ALDH16A1: variants seen among roughly 807,000 people sequenced by gnomAD.
ALDH16A1 encodes aldehyde dehydrogenase family 16 member A1.
Under a neutral mutation model 96.1 loss-of-function variants are expected in ALDH16A1, and 88 were observed. The observed-to-expected ratio is 0.92, with a 90% confidence interval of 0.77 to 1.09. The LOEUF is 1.09. ALDH16A1 is among the 50% of genes least tolerant of loss of function. ALDH16A1 has a pLI of 0.00. For synonymous variants in ALDH16A1, 522 were observed against 496.4 expected, an observed-to-expected ratio of 1.05 and a Z score of -0.69; for missense variants, 1,250 against 1,112.6, an observed-to-expected ratio of 1.12 and a Z score of -1.76.
chr19:49,465,588 T>G (rs1601037892), intron 12 of ALDH16A1, 150 bp from the exon 13 acceptor site: 7 of 912,032 alleles, frequency 7.7e-6, no homozygotes, highest in South Asian at 3.9e-5. Flanking sequence ...GGAGCAGGAG[T>G]TTTAGGGTCC....
chr19:49,466,384 C>A, intron 14 of ALDH16A1, 101 bp downstream of exon 14: 1 of 1,233,408 alleles, frequency 8.1e-7, no homozygotes, highest in Non-Finnish European at 1.1e-6. Flanking sequence ...CCCAGCCCCA[C>A]CGCCTTCCAC....
chr19:49,454,218 T>A (rs1482792615), intron 1 of ALDH16A1, among the ~76,000 whole-genome samples: 1 of 152,008 alleles, frequency 6.6e-6, no homozygotes, highest in African/African-American at 2.4e-5. Flanking sequence ...AGACAAGGTT[T>A]CAGCATGTTG....
Position 49,462,631 on chromosome 19 carries a change from A to T in ALDH16A1, c.974A>T (p.Glu325Val). 6.2e-7 allele frequency: 1 copy of T among 1,612,784 alleles called. No homozygotes were observed. Among genetic ancestry groups the T allele is most frequent in the African/African-American group, 1.3e-5 (1 of 74,956 alleles). Residue 325 changes from glutamate (E) to valine (V), a missense_variant, in exon 8 of 17, where the codon GAG becomes GTG. By Grantham distance (121) the Glu-to-Val change is moderately radical. Transcript: ENST00000293350. The part of the protein sequence containing the change: ...VWDEAMRRLQ[E>V]RMGRLRSGRG... ...GATGAAGCCATGAGACGGCTGCAGG[A>T]GCGGATGGGGCGGCTTCGGAGTGGC...
chr19:49,468,350 T>A lies in ALDH16A1; in HGVS notation c.1939-31T>A. On this transcript the variant is annotated intron_variant, in intron 14 of 16. Coordinates refer to ENST00000293350, the MANE Select transcript of ALDH16A1 (RefSeq NM_153329.4). This position sits in a 1 kb window ranked among gnomAD's most constrained non-coding sequence, Gnocchi z 4.4. ...TCATTTACTGCGGGCGGGGCTCCCC[T>A]GCCCCACACGTGACCCACCTGTCCC... 6.3e-7 allele frequency: 1 copy of A among 1,590,252 alleles called. No individual in the cohort carries two copies. Among genetic ancestry groups the A allele is most frequent in the South Asian group, 1.1e-5 (1 of 90,460 alleles).
intron 14 of ALDH16A1, among the ~76,000 whole-genome samples, chr19:49,466,546 T>C (rs1601040558): frequency 1.3e-5 from 2 of 152,272 alleles, no homozygotes. Context: ...TAGTGGGCTG[T>C]TAGGCGGTTC....
In ALDH16A1 at chr19:49,459,886, G is replaced by T; in HGVS notation, c.499+38G>T. 6.3e-7 allele frequency: 1 copy of T among 1,585,628 alleles called. No homozygotes were observed. Among genetic ancestry groups the T allele is most frequent in the Middle Eastern group, 1.7e-4 (1 of 5,980 alleles). On this transcript the variant is annotated intron_variant, in intron 4 of 16. Transcript: ENST00000293350. This position sits in a 1 kb window ranked among gnomAD's most constrained non-coding sequence, Gnocchi z 4.1. ...AGTCCCTAGCCCTATCCTCCCACAT[G>T]ACTCAGCAGTGCTAGCTCCAGTCCC...
rs746586105 is a variant in ALDH16A1 at position 49,462,692 on chromosome 19, G to A, written c.1035G>A (p.Arg345=). ...GLDGAVDMGA[R]GAAACDLVQR... The stretch of plus-strand genomic sequence containing the variant: ...ATGGGGCCGTGGACATGGGGGCCCG[G>A]GGGGCTGCCGCATGTGACCTGGTCC... The change falls in exon 8 of 17, where the codon CGG becomes CGA. Residue 345 remains arginine (R), a synonymous_variant. Coordinates refer to ENST00000293350, the MANE Select transcript of ALDH16A1 (RefSeq NM_153329.4). The A allele has an allele frequency of 5.6e-6, 9 of 1,608,328 alleles. No individual in the cohort carries two copies. The African/African-American group carries it at 1.2e-4, about 22-fold the overall frequency.
In ALDH16A1 at chr19:49,460,665, C is replaced by T. The variant is rs561776833; in HGVS notation, c.500-157C>T. 1.2e-3 allele frequency among the ~76,000 whole-genome samples: 179 copies of T among 151,606 alleles called. 1 individual carries two copies. The highest frequency in any genetic ancestry group is 4.0e-3 in the African/African-American group (166 of 41,344). ...CCCACCTCAGGTGATCCGCCCACCT[C>T]GACCTCCCAAAGTGCTGAGATTACA... On this transcript the variant is annotated intron_variant, in intron 4 of 16. Coordinates refer to ENST00000293350, the MANE Select transcript of ALDH16A1 (RefSeq NM_153329.4).
At chr19:49,465,710 C>A in intron 12 of ALDH16A1, 28 bp from the exon 13 acceptor site, 1 of 1,598,228 alleles carries the variant, frequency 6.3e-7, no homozygotes, top group South Asian at 1.1e-5. Context: ...GGCCCCAGGA[C>A]TCCTCCTCAT....
At position 49,462,750 on chromosome 19, in the gene ALDH16A1, GCA is replaced by G. The variant is rs1299212486; in HGVS notation, c.1096_1097del (p.Gln366GlyfsTer6). The G allele has an allele frequency of 1.9e-6, 3 of 1,582,550 alleles. No individual in the cohort carries two copies. Among genetic ancestry groups the G allele is most frequent in the Non-Finnish European group, 2.6e-6 (3 of 1,166,094 alleles). On this transcript the variant is annotated frameshift_variant, in exon 8 of 17. Coordinates refer to ENST00000293350, the MANE Select transcript of ALDH16A1 (RefSeq NM_153329.4). LOFTEE classifies it high-confidence loss of function. ...TGTGCGTGAGGCCCAGAGCCAGGGTGCACAGGTGAGGCAGGGGGTAGAGACTT... is the reference window on the plus strand; with the variant it reads ...TGTGCGTGAGGCCCAGAGCCAGGGTGCAGGTGAGGCAGGGGGTAGAGACTT... ...RFVREAQSQG[A>X]QVFQAGDVPS... is the part of the protein sequence containing the mutation.
chr19:49,465,528 C>T (rs1053663523), intron 12 of ALDH16A1, among the ~76,000 whole-genome samples: 6 of 150,640 alleles, frequency 4.0e-5, no homozygotes, highest in Non-Finnish European at 7.4e-5. Context: ...AGTTTAAGGT[C>T]CCCCAGAGGC....
At chr19:49,462,450 A>T in intron 7 of ALDH16A1, 120 bp from the exon 8 acceptor site, 1 of 1,257,838 alleles carries the variant, frequency 8.0e-7, no homozygotes, top group Non-Finnish European at 1.1e-6. Flanking sequence ...GTTCTTTAGG[A>T]CTCTGTTGAT....
chr19:49,464,812 A>G (rs761212843), intron 12 of ALDH16A1, 50 bp downstream of exon 12: 2 of 1,609,114 alleles, frequency 1.2e-6, no homozygotes, highest in South Asian at 2.2e-5. Context: ...GGAGAGGGGA[A>G]TTGATGCCTG....
rs773700840 is a variant in ALDH16A1 at position 49,453,646 on chromosome 19, C to A, written c.90+225C>A. Reference sequence around the variant, plus strand: ...CGGTCTTCCCCACTGGTTCTCTTGCCCCTTGATCCTGAACTCCTCGTAGTG... The same window carrying A: ...CGGTCTTCCCCACTGGTTCTCTTGCACCTTGATCCTGAACTCCTCGTAGTG... On this transcript the variant is annotated intron_variant, in intron 1 of 16. Transcript: ENST00000293350. The A allele has an allele frequency of 9.9e-6, 5 of 505,284 alleles. No homozygotes were observed. In the South Asian group the frequency reaches 1.2e-4, roughly 12 times the overall value. 31.3% of individuals were successfully genotyped at this position (505,284 alleles called of 1,614,324 possible). A position where few individuals can be genotyped will look rare whatever the true frequency, so the allele number is the denominator to read the frequency against.
Position 49,466,154 on chromosome 19 carries a change from G to C in ALDH16A1, c.1809G>C (p.Lys603Asn). Residue 603 changes from lysine (K) to asparagine (N), a missense_variant, in exon 14 of 17, where the codon AAG (lysine) becomes AAC (asparagine). Lys to Asn is a moderately conservative substitution (Grantham distance 94). Transcript: ENST00000293350. ...TGGCGGCTGCACTGGAGCGCCGGAA[G>C]TCTACCCTGGCCTCGAGGCTGGAGA... Reference protein sequence around the residue: ...WALAAALERRKSTLASRLERQ... With the variant: ...WALAAALERRNSTLASRLERQ... 6.4e-7 allele frequency: 1 copy of C among 1,559,920 alleles called. No individual in the cohort carries two copies. The highest frequency in any genetic ancestry group is 8.7e-7 in the Non-Finnish European group (1 of 1,154,316).
At position 49,464,109 on chromosome 19, in the gene ALDH16A1, C is replaced by T. The variant is rs1288753579; in HGVS notation, c.1195-18C>T. The T allele has an allele frequency of 1.2e-6, 2 of 1,602,540 alleles. No individual in the cohort carries two copies. The highest frequency in any genetic ancestry group is 2.7e-5 in the African/African-American group (2 of 74,852). Reference sequence around the variant, plus strand: ...GGGTGGGCCCTGGAGGGCTGAGCCTCCCGGTCACCCCTTGCAGGTGCCGTG... The same window carrying T: ...GGGTGGGCCCTGGAGGGCTGAGCCTTCCGGTCACCCCTTGCAGGTGCCGTG... On this transcript the variant is annotated intron_variant, in intron 9 of 16. Transcript: ENST00000293350.
At chr19:49,461,423 G>C in intron 5 of ALDH16A1, among the ~76,000 whole-genome samples, 196 bp from the exon 6 acceptor site, 1 of 133,950 alleles carries the variant, frequency 7.5e-6, no homozygotes, top group Non-Finnish European at 1.5e-5. Flanking sequence ...GTCTGAGGGA[G>C]GAGGGGCTGG....
chr19:49,470,176 T>G (rs1444928211), intron 16 of ALDH16A1, 130 bp from the exon 17 acceptor site: 2 of 1,110,212 alleles, frequency 1.8e-6, no homozygotes, highest in African/African-American at 3.2e-5. Flanking sequence ...TGGGAGGAGC[T>G]GGGCATTGTA....
rs1452694893 is a variant in ALDH16A1, at chr19:49,461,809, G to C, written c.759+9G>C. ...TCTGCGGAGCCCCGGAGGTACCTTC[G>C]GGACAGGGGTCGTGGCGGAACGCGG... On this transcript the variant is annotated intron_variant, in intron 6 of 16. Transcript: ENST00000293350. 6.2e-7 allele frequency: 1 copy of C among 1,609,186 alleles called. No homozygotes were observed. Among genetic ancestry groups the C allele is most frequent in the Non-Finnish European group, 8.5e-7 (1 of 1,177,980 alleles).
Sources: gnomAD v4.1 joint callset for allele counts (sites outside exome capture counted in the v4.1 genomes callset) on GRCh38, gnomAD v4.1.1 for gene constraint, Gnocchi (gnomAD v3.1) non-coding constraint, MANE v1.5 for transcripts, NCBI Gene and HGNC (gene_info 2026-07-23, HGNC 2026-07-21) for gene names.